Variants in SLC9A9 observed in about 807,000 individuals in gnomAD.
SLC9A9 encodes solute carrier family 9 member A9.
In SLC9A9, 62 loss-of-function variants were observed where a neutral mutation model predicts 77.8. The observed-to-expected ratio is 0.80, with a 90% CI of 0.65 to 0.98. The LOEUF (loss-of-function observed/expected upper bound fraction) is 0.98, where lower values mean the gene tolerates loss of function less well. SLC9A9 is among the 50% of genes least tolerant of loss of function. The pLI, the probability that SLC9A9 is intolerant of heterozygous loss-of-function variation, is 0.00. For synonymous variants in SLC9A9, 320 were observed against 283.5 expected (o/e 1.13, Z -1.29); for missense variants, 775 against 774.9 (o/e 1.00, Z 0.00).
chr3:143,398,317 C>G (rs1399909085), intron 12 of SLC9A9, among the ~76,000 whole-genome samples: 1 of 152,050 alleles, frequency 6.6e-6, no homozygotes, highest in Non-Finnish European at 1.5e-5. Flanking sequence ...TGTATTCACA[C>G]AAGATACAAG....
intron 6 of SLC9A9, among the ~76,000 whole-genome samples, chr3:143,600,234 G>A (rs1049798645): frequency 3.9e-5 from 6 of 152,068 alleles, no homozygotes; most frequent in African/African-American, 1.4e-4. Flanking sequence ...CTGTATCCAT[G>A]TGTTCTCTTT....
chr3:143,825,105 G>C (rs1033222094), intron 2 of SLC9A9, among the ~76,000 whole-genome samples: 1 of 152,130 alleles, frequency 6.6e-6, no homozygotes, highest in East Asian at 1.9e-4. Flanking sequence ...CCCCAATGCT[G>C]ATTTATCATC....
chr3:143,799,565 C>T (rs564868120), intron 2 of SLC9A9, among the ~76,000 whole-genome samples: 48 of 152,306 alleles, frequency 3.2e-4, no homozygotes, highest in African/African-American at 7.7e-4. Flanking sequence ...CTACAAGTGC[C>T]GGAAATCTGG....
At chr3:143,793,266 C>T (rs964386767) in intron 4 of SLC9A9, among the ~76,000 whole-genome samples, 1 of 152,118 alleles carries the variant, frequency 6.6e-6, no homozygotes, top group South Asian at 2.1e-4. Flanking sequence ...CACACACACA[C>T]AGTATATATT....
intron 14 of SLC9A9, among the ~76,000 whole-genome samples, chr3:143,311,807 T>A (rs1038222016): frequency 6.6e-6 from 1 of 152,224 alleles, no homozygotes; most frequent in African/African-American, 2.4e-5. Context: ...TTTGCTCTCA[T>A]GTGTACTGAA....
intron 12 of SLC9A9, among the ~76,000 whole-genome samples, chr3:143,409,348 C>T (rs565714534): frequency 6.6e-6 from 1 of 152,312 alleles, no homozygotes; most frequent in Admixed American, 6.5e-5. Context: ...ACAGGTGACA[C>T]AGCAAGAAGG....
chr3:143,791,108 A>G (rs1440488883), intron 4 of SLC9A9, among the ~76,000 whole-genome samples: 1 of 152,196 alleles, frequency 6.6e-6, no homozygotes, highest in Admixed American at 6.5e-5. Flanking sequence ...TTTCAAACAC[A>G]TGGACTTTTC....
At chr3:143,488,475 T>G (rs1350748911) in intron 11 of SLC9A9, among the ~76,000 whole-genome samples, 1 of 151,994 alleles carries the variant, frequency 6.6e-6, no homozygotes, top group Non-Finnish European at 1.5e-5. Flanking sequence ...CTATTCCTTA[T>G]GAACATAAAT....
chr3:143,597,325 G>A (rs1163691749), intron 6 of SLC9A9, among the ~76,000 whole-genome samples: 1 of 152,174 alleles, frequency 6.6e-6, no homozygotes, highest in Non-Finnish European at 1.5e-5. Flanking sequence ...GACATGGTGG[G>A]CACGCTGGCG....
chr3:143,834,060 T>C (rs765861813), intron 1 of SLC9A9, among the ~76,000 whole-genome samples: 1 of 152,160 alleles, frequency 6.6e-6, no homozygotes, highest in Non-Finnish European at 1.5e-5. Context: ...GAACCATCAC[T>C]TTGGCAACAA....
At chr3:143,532,448 T>C (rs1159001637) in intron 9 of SLC9A9, among the ~76,000 whole-genome samples, 1 of 152,204 alleles carries the variant, frequency 6.6e-6, no homozygotes, top group Non-Finnish European at 1.5e-5. Flanking sequence ...TATAGTATAA[T>C]CACTTTTTTT....
At chr3:143,751,315 T>C (rs914077602) in intron 4 of SLC9A9, among the ~76,000 whole-genome samples, 1 of 152,216 alleles carries the variant, frequency 6.6e-6, no homozygotes, top group Non-Finnish European at 1.5e-5. Flanking sequence ...GTGGATGATA[T>C]GATGCCTAGC....
intron 12 of SLC9A9, among the ~76,000 whole-genome samples, chr3:143,431,485 C>CTT (rs35264017): frequency 0.018 from 2,372 of 130,024 alleles, 41 homozygotes; most frequent in African/African-American, 0.034. Context: ...CTGCCCCCAC[C>CTT]TTTTTTTTTT....
intron 6 of SLC9A9, among the ~76,000 whole-genome samples, chr3:143,583,664 A>C (rs150017859): frequency 1.1e-3 from 168 of 152,348 alleles, no homozygotes; most frequent in African/African-American, 3.9e-3. Context: ...CTGGGTTGCT[A>C]TGAGAATTAA....
intron 12 of SLC9A9, among the ~76,000 whole-genome samples, chr3:143,393,924 A>G (rs1377844801): frequency 6.6e-6 from 1 of 152,060 alleles, no homozygotes; most frequent in Non-Finnish European, 1.5e-5. Context: ...CTCTGAATAG[A>G]CCAATATGAG....
chr3:143,721,974 A>T (rs7617093), intron 4 of SLC9A9, among the ~76,000 whole-genome samples: 2 of 151,018 alleles, frequency 1.3e-5, no homozygotes, highest in Non-Finnish European at 1.5e-5. Context: ...AAACAAAAAC[A>T]TTATTTTAAA....
intron 2 of SLC9A9, among the ~76,000 whole-genome samples, chr3:143,803,122 C>G (rs1289654475): frequency 6.6e-6 from 1 of 152,200 alleles, no homozygotes; most frequent in African/African-American, 2.4e-5. Flanking sequence ...AGTACCCCAA[C>G]TGCCGTCCAC....
intron 8 of SLC9A9, among the ~76,000 whole-genome samples, chr3:143,561,294 G>T (rs1034281465): frequency 7.9e-5 from 12 of 152,004 alleles, no homozygotes; most frequent in African/African-American, 2.9e-4. Context: ...AAAACCAATG[G>T]GATAAAAACC....
chr3:143,457,019 G>C (rs2035106179), intron 12 of SLC9A9, among the ~76,000 whole-genome samples: 1 of 151,788 alleles, frequency 6.6e-6, no homozygotes. Flanking sequence ...TCAGTTTAAT[G>C]GCTGTAAAAT....
Sources: allele counts gnomAD v4.1 joint callset (sites outside exome capture counted in the v4.1 genomes callset), GRCh38; gene constraint gnomAD v4.1.1; transcripts MANE v1.5; gene names NCBI Gene and HGNC (gene_info 2026-07-23, HGNC 2026-07-21).